BEND4: variants seen among roughly 807,000 people sequenced by gnomAD.
BEND4 encodes BEN domain-containing protein 4.
In BEND4, 27 loss-of-function variants were observed where a neutral mutation model predicts 54.7. That is an observed-to-expected ratio of 0.49 (90% CI 0.36 to 0.68). The LOEUF (loss-of-function observed/expected upper bound fraction) is 0.68, where lower values mean the gene tolerates loss of function less well. Ranked by LOEUF, BEND4 falls within the 30% of genes least tolerant of loss-of-function variation. The pLI is 0.00. For synonymous variants in BEND4, 327 were observed against 299.5 expected, an observed-to-expected ratio of 1.09 and a Z score of -0.95; for missense variants, 702 against 697.2, an observed-to-expected ratio of 1.01 and a Z score of -0.08.
At chr4:42,133,797 T>C (rs1197843240) in intron 3 of BEND4, among the ~76,000 whole-genome samples, 1 of 152,146 alleles carries the variant, frequency 6.6e-6, no homozygotes, top group East Asian at 1.9e-4. Context: ...GAGCTTACAG[T>C]GAGCCGAGAT....
rs1384263182 is a variant in BEND4, at chr4:42,114,774, AAAC to A, written c.*2741_*2743del. 1 of 152,220 alleles carries A rather than the reference AAAC, an allele frequency of 6.6e-6. No homozygotes were observed. The highest frequency in any genetic ancestry group is 2.4e-5 in the African/African-American group (1 of 41,436). 9.4% of individuals were successfully genotyped at this position (152,220 alleles called of 1,614,324 possible). A position where few individuals can be genotyped will look rare whatever the true frequency, so the allele number is the denominator to read the frequency against. ...GAACATCCTTTGTTGGTCCTGATTT[AAAC>A]AAGAGGAGACCATGCAGACGACCAC... On this transcript the variant is annotated 3_prime_UTR_variant, in exon 6 of 6. Coordinates refer to ENST00000502486, the MANE Select transcript of BEND4 (RefSeq NM_207406.4).
chr4:42,152,117 C>T lies in BEND4; in HGVS notation c.27G>A (p.Glu9=). The T allele has an allele frequency of 8.0e-7, 1 of 1,247,116 alleles. No homozygotes were observed. Among genetic ancestry groups the T allele is most frequent in the Non-Finnish European group, 1.0e-6 (1 of 987,026 alleles). The allele number at this position is 1,247,116 out of a possible 1,614,324, so 77.3% of individuals were successfully genotyped here. The change falls in exon 2 of 6, where the codon GAG becomes GAA. Residue 9 remains glutamate, a synonymous_variant. Transcript: ENST00000502486. ...AGATTTTGGGGACGCTGGGCCCCTC[C>T]TCTGCCGGCTGCATCTCTTCCTCCA... MEEEMQPA[E]EGPSVPKIYK...
intron 3 of BEND4, among the ~76,000 whole-genome samples, chr4:42,133,317 T>C (rs1408006680): frequency 1.3e-5 from 2 of 152,170 alleles, no homozygotes; most frequent in East Asian, 3.9e-4. Context: ...TCTAGATGGA[T>C]GTCCTGCTCA....
intron 3 of BEND4, among the ~76,000 whole-genome samples, chr4:42,136,912 A>G (rs1322443409): frequency 6.6e-6 from 1 of 152,252 alleles, no homozygotes; most frequent in East Asian, 1.9e-4. Context: ...TATATTGATC[A>G]GCTGATGAAA....
At chr4:42,119,925 A>G in intron 5 of BEND4, 129 bp downstream of exon 5, 2 of 1,192,232 alleles carry the variant, frequency 1.7e-6, no homozygotes, top group Non-Finnish European at 2.4e-6. Flanking sequence ...GATGGGCCAC[A>G]TGAAGCCTAG....
chr4:42,151,950 T>C lies in BEND4; in HGVS notation c.194A>G (p.His65Arg). The C allele has an allele frequency of 1.6e-6, 2 of 1,242,986 alleles. No homozygotes were observed. Among genetic ancestry groups the C allele is most frequent in the Non-Finnish European group, 1.0e-6 (1 of 991,236 alleles). 77.0% of individuals were successfully genotyped at this position (1,242,986 alleles called of 1,614,324 possible). Residue 65 changes from histidine to arginine, a missense_variant, in exon 2 of 6, where the codon CAC becomes CGC. Physicochemically the swap from His to Arg is conservative, Grantham distance 29 (BLOSUM62 0). Coordinates refer to ENST00000502486, the MANE Select transcript of BEND4 (RefSeq NM_207406.4). Reference protein sequence around the residue: ...PPPPPPPFAPHAAVSISSSEP... With the variant: ...PPPPPPPFAPRAAVSISSSEP... Reference sequence around the variant, plus strand: ...GCTGCTGCTGATGGAGACGGCGGCGTGCGGCGCGAAGGGCGGCGGGGGCGG... The same window carrying C: ...GCTGCTGCTGATGGAGACGGCGGCGCGCGGCGCGAAGGGCGGCGGGGGCGG...
chr4:42,117,257 A>G lies in BEND4; in HGVS notation c.*261T>C, dbSNP rs1277655571. 5 of 315,490 alleles carry G rather than the reference A, an allele frequency of 1.6e-5. No individual in the cohort carries two copies. The Admixed American group carries it at 2.4e-4, about 15-fold the overall frequency. 19.5% of individuals were successfully genotyped at this position (315,490 alleles called of 1,614,324 possible). On this transcript the variant is annotated 3_prime_UTR_variant, in exon 6 of 6. Coordinates refer to ENST00000502486, the MANE Select transcript of BEND4 (RefSeq NM_207406.4). ...TAACTAGGAGCTCACCTATTTTTTC[A>G]CCCTCATGATCTAGCTAGTAATCAT...
intron 3 of BEND4, among the ~76,000 whole-genome samples, chr4:42,132,081 A>G (rs1720527085): frequency 6.6e-6 from 1 of 152,246 alleles, no homozygotes; most frequent in Non-Finnish European, 1.5e-5. Context: ...AGTGAAATTT[A>G]TGATCCTGAC....
chr4:42,128,100 G>A (rs549596797), intron 3 of BEND4, among the ~76,000 whole-genome samples: 122 of 152,268 alleles, frequency 8.0e-4, no homozygotes, highest in African/African-American at 2.8e-3. Context: ...TTTCAGGGCT[G>A]CAACAAGCCA....
intron 2 of BEND4, among the ~76,000 whole-genome samples, chr4:42,147,089 C>G (rs959487314): frequency 6.6e-6 from 1 of 152,156 alleles, no homozygotes; most frequent in Non-Finnish European, 1.5e-5. Flanking sequence ...TAAAGTAGTT[C>G]TTGCCTGCAG....
chr4:42,123,884 C>A (rs539022650), intron 4 of BEND4, among the ~76,000 whole-genome samples: 2 of 151,902 alleles, frequency 1.3e-5, no homozygotes, highest in African/African-American at 4.8e-5. Flanking sequence ...GTTGGTGGGG[C>A]CTTTACTGAA....
At chr4:42,123,445 T>C (rs1204287807) in intron 4 of BEND4, among the ~76,000 whole-genome samples, 1 of 151,912 alleles carries the variant, frequency 6.6e-6, no homozygotes, top group African/African-American at 2.4e-5. Context: ...ATGGGTTACT[T>C]AAGAGTCATC....
chr4:42,127,044 C>A (rs1204441954), intron 3 of BEND4, among the ~76,000 whole-genome samples: 1 of 152,110 alleles, frequency 6.6e-6, no homozygotes, highest in African/African-American at 2.4e-5. Context: ...AGTATCACCA[C>A]CAAGCTTTCT....
chr4:42,135,203 G>C (rs995773558), intron 3 of BEND4, among the ~76,000 whole-genome samples: 1 of 152,150 alleles, frequency 6.6e-6, no homozygotes. Flanking sequence ...GGGTGTGTAA[G>C]AGGTAGCACC....
chr4:42,143,416 A>G lies in BEND4; in HGVS notation c.1054+12T>C. The G allele has an allele frequency of 6.5e-7, 1 of 1,547,798 alleles. No individual in the cohort carries two copies. The highest frequency in any genetic ancestry group is 2.4e-5 in the East Asian group (1 of 40,912). ...GGGTTGCAGTTGTCTTGCAAGGAAT[A>G]TGGCAGGATACCTGGGATGCTCTCT... is the stretch of plus-strand genomic sequence containing the variant. On this transcript the variant is annotated intron_variant, in intron 3 of 5. Coordinates refer to ENST00000502486, the MANE Select transcript of BEND4 (RefSeq NM_207406.4).
chr4:42,117,772 A>G (rs1047613692), intron 5 of BEND4, 37 bp from the exon 6 acceptor site: 4 of 1,425,182 alleles, frequency 2.8e-6, no homozygotes, highest in African/African-American at 2.9e-5. Context: ...AGAGAGAGAG[A>G]AAAAAACAGC....
Position 42,114,168 on chromosome 4 carries a change from G to C in BEND4, c.*3350C>G, listed in dbSNP as rs2153143840. 1 of 152,284 alleles carries C rather than the reference G, an allele frequency of 6.6e-6. No homozygotes were observed. Among genetic ancestry groups the C allele is most frequent in the South Asian group, 2.1e-4 (1 of 4,820 alleles). 9.4% of individuals were successfully genotyped at this position (152,284 alleles called of 1,614,324 possible). On this transcript the variant is annotated 3_prime_UTR_variant, in exon 6 of 6. Coordinates refer to ENST00000502486, the MANE Select transcript of BEND4 (RefSeq NM_207406.4). ...AGTGAGAAATGTGACTTTAGTAACT[G>C]CTTGCAAAATACTGGTCCCCTCCAC...
intron 2 of BEND4, among the ~76,000 whole-genome samples, chr4:42,145,996 C>A (rs770970379): frequency 6.6e-6 from 1 of 152,198 alleles, no homozygotes; most frequent in Non-Finnish European, 1.5e-5. Context: ...CCACCCTAGG[C>A]TGGTTGAGAG....
Position 42,110,942 on chromosome 4 carries a change from CAG to C in BEND4, c.*6574_*6575del, listed in dbSNP as rs1195823977. 6.6e-6 allele frequency: 1 copy of C among 152,188 alleles called. No homozygotes were observed. The highest frequency in any genetic ancestry group is 1.5e-5 in the Non-Finnish European group (1 of 68,036). The allele number at this position is 152,188 out of a possible 1,614,324, so 9.4% of individuals were successfully genotyped here. A position where few individuals can be genotyped will look rare whatever the true frequency, so the allele number is the denominator to read the frequency against. ...GCAAAAACCAAGTTAAAACACTTAA[CAG>C]AGACTTGACATTTATTGTGCAATTT... On this transcript the variant is annotated 3_prime_UTR_variant, in exon 6 of 6. Coordinates refer to ENST00000502486, the MANE Select transcript of BEND4 (RefSeq NM_207406.4).
Sources: gnomAD v4.1 joint callset for allele counts (sites outside exome capture counted in the v4.1 genomes callset) on GRCh38, gnomAD v4.1.1 for gene constraint, MANE v1.5 for transcripts, NCBI Gene and HGNC (gene_info 2026-07-23, HGNC 2026-07-21) for gene names.